ATP2C1: variants seen among roughly 807,000 people sequenced by gnomAD.
ATP2C1 encodes ATPase secretory pathway Ca2+ transporting 1, also known as calcium-transporting ATPase type 2C member 1.
ATP2C1 carries 31 observed loss-of-function variants against 120.5 expected under a neutral mutation model. The observed-to-expected ratio is 0.26, with a 90% confidence interval of 0.19 to 0.35. The LOEUF is 0.35. ATP2C1 is among the 10% of genes least tolerant of loss of function. ATP2C1 has a pLI of 1.00. For synonymous variants in ATP2C1, 351 were observed against 358.7 expected (o/e 0.98, Z 0.24); for missense variants, 731 against 1,107.5 (o/e 0.66, Z 4.83).
At chr3:130,953,105 G>A (rs1288622377) in intron 8 of ATP2C1, among the ~76,000 whole-genome samples, 1 of 151,436 alleles carries the variant, frequency 6.6e-6, no homozygotes, top group South Asian at 2.1e-4. Flanking sequence ...ATGTATGTAT[G>A]TATGTATGTA....
chr3:130,921,488 A>G (rs1305971338), intron 2 of ATP2C1, among the ~76,000 whole-genome samples: 1 of 152,148 alleles, frequency 6.6e-6, no homozygotes, highest in Non-Finnish European at 1.5e-5. Flanking sequence ...TTCCAGTACT[A>G]TGTTGAACTG....
intron 2 of ATP2C1, among the ~76,000 whole-genome samples, chr3:130,919,370 G>A (rs1052165684): frequency 6.6e-6 from 1 of 151,516 alleles, no homozygotes; most frequent in Non-Finnish European, 1.5e-5. Context: ...GATTATAGAC[G>A]CCCACTACCA....
intron 1 of ATP2C1, among the ~76,000 whole-genome samples, chr3:130,867,128 T>G (rs1366789571): frequency 6.6e-6 from 1 of 152,238 alleles, no homozygotes; most frequent in African/African-American, 2.4e-5. Flanking sequence ...TGCTGACTTC[T>G]CCACTGACCA....
chr3:130,962,715 T>TAAAAA (rs71133621), intron 12 of ATP2C1, among the ~76,000 whole-genome samples: 4 of 114,204 alleles, frequency 3.5e-5, no homozygotes, highest in Non-Finnish European at 5.4e-5. Flanking sequence ...ATGGAAGCAT[T>TAAAAA]AAAAAAAAAA....
In ATP2C1 at chr3:130,975,394, A is replaced by G; in HGVS notation, c.1476A>G (p.Thr492=). ...AYEQVIKYCT[T]YQSKGQTLTL... ...AACAAGTAATTAAGTACTGTACTAC[A>G]TACCAGAGCAAAGGGCAGACCTTGA... The change falls in exon 18 of 28, where the codon ACA becomes ACG. Residue 492 remains threonine, a synonymous_variant. Transcript: ENST00000510168. 9 of 1,613,936 alleles carry G rather than the reference A, an allele frequency of 5.6e-6. No individual in the cohort carries two copies. Among genetic ancestry groups the G allele is most frequent in the Non-Finnish European group, 7.6e-6 (9 of 1,179,838 alleles).
At position 130,959,279 on chromosome 3, in the gene ATP2C1, C is replaced by T; in HGVS notation, c.837C>T (p.Ile279=). 6.2e-7 allele frequency: 1 copy of T among 1,604,954 alleles called. No individual in the cohort carries two copies. Among genetic ancestry groups the T allele is most frequent in the Non-Finnish European group, 8.5e-7 (1 of 1,172,422 alleles). Residue 279 remains isoleucine (I), a synonymous_variant, in exon 12 of 28, where the codon ATC becomes ATT. Coordinates refer to ENST00000510168, the MANE Select transcript of ATP2C1 (RefSeq NM_001378687.1). ...LSFYSFGIIG[I]IMLVGWLLGK... ...AACTATTTAATTATCTTTCAGGAAT[C>T]ATCATGTTGGTTGGCTGGTTACTGG...
In ATP2C1 at chr3:130,855,683, G is replaced by GA. The variant is rs199880970; in HGVS notation, c.108+4762dup. On this transcript the variant is annotated intron_variant, in intron 1 of 26. Coordinates refer to the ATP2C1 transcript ENST00000504381. ...AGAGATGTAGAAAAAGGCCATATGA[G>GA]AAAAAAACTCTACAGGATGGGTCCA... is the stretch of plus-strand genomic sequence containing the variant. Among the ~76,000 whole-genome samples the GA allele has an allele frequency of 8.4e-3, 1,271 of 152,202 alleles. 5 individuals carry two copies. The highest frequency in any genetic ancestry group is 0.024 in the Middle Eastern group (7 of 294).
In ATP2C1 at chr3:130,941,718, T is replaced by C. The variant is rs2059928223; in HGVS notation, c.531+19T>C. ...GTTTGAGGTAAATTTGGGATCTGAT[T>C]GTAATAAGTGAAAATACGTGGATGT... On this transcript the variant is annotated intron_variant, in intron 8 of 27. Coordinates refer to ENST00000510168, the MANE Select transcript of ATP2C1 (RefSeq NM_001378687.1). 6.4e-7 allele frequency: 1 copy of C among 1,559,062 alleles called. No individual in the cohort carries two copies. The highest frequency in any genetic ancestry group is 8.8e-7 in the Non-Finnish European group (1 of 1,129,962).
At chr3:130,909,324 A>G (rs767460613) in intron 2 of ATP2C1, among the ~76,000 whole-genome samples, 1 of 152,144 alleles carries the variant, frequency 6.6e-6, no homozygotes, top group Non-Finnish European at 1.5e-5. Flanking sequence ...GTGATTGGAA[A>G]CTTTTTATCT....
chr3:130,899,919 G>A (rs2070001865), intron 2 of ATP2C1, among the ~76,000 whole-genome samples: 1 of 152,056 alleles, frequency 6.6e-6, no homozygotes, highest in African/African-American at 2.4e-5. Context: ...CCTGTTAGTT[G>A]TAATTGCTTT....
chr3:130,891,831 G>A (rs2069179903), upstream of ATP2C1, among the ~76,000 whole-genome samples: 1 of 152,080 alleles, frequency 6.6e-6, no homozygotes, highest in Middle Eastern at 3.2e-3. Context: ...ACATATGTGT[G>A]TGTATGACAT....
chr3:130,967,230 G>A lies in ATP2C1; in HGVS notation c.1208G>A (p.Arg403Lys), dbSNP rs1163335338. The A allele has an allele frequency of 6.2e-7, 1 of 1,613,560 alleles. No homozygotes were observed. Among genetic ancestry groups the A allele is most frequent in the South Asian group, 1.1e-5 (1 of 91,072 alleles). ...VHGFYNPAVS[R>K]IVEAGCVCND... is the part of the protein sequence containing the mutation. ...GGATTCTATAACCCAGCTGTTAGCA[G>A]AATTGTTGAGGTAAATATTTTTTTT... The change falls in exon 15 of 28, where the codon AGA (arginine) becomes AAA (lysine). Residue 403 changes from arginine (R) to lysine (K), a missense_variant. This residue lies in a region of ATP2C1 where 571 missense variants were observed against 845.9 expected (regional missense o/e 0.67). Transcript: ENST00000510168.
chr3:130,988,531 A>C (rs1020139540), intron 20 of ATP2C1, among the ~76,000 whole-genome samples: 2 of 152,186 alleles, frequency 1.3e-5, no homozygotes, highest in Non-Finnish European at 2.9e-5. Context: ...TACAAGGCTC[A>C]CTGCAACCCA....
chr3:131,014,677 C>G (rs1286264522), intron 26 of ATP2C1, among the ~76,000 whole-genome samples: 1 of 152,268 alleles, frequency 6.6e-6, no homozygotes, highest in South Asian at 2.1e-4. Flanking sequence ...TTAACAAACA[C>G]TTTAATTTTA....
intron 24 of ATP2C1, among the ~76,000 whole-genome samples, chr3:130,997,018 T>C (rs891583838): frequency 2.6e-5 from 4 of 152,130 alleles, no homozygotes; most frequent in Non-Finnish European, 5.9e-5. Flanking sequence ...TAGCCTAAGG[T>C]TGAGAATAGA....
chr3:130,901,535 G>C (rs1476589668), intron 2 of ATP2C1, among the ~76,000 whole-genome samples: 2 of 152,010 alleles, frequency 1.3e-5, no homozygotes, highest in African/African-American at 2.4e-5. Flanking sequence ...TAGATACAGA[G>C]AATTAAGGGA....
At chr3:131,014,064 A>G (rs767822667) in intron 26 of ATP2C1, 22 of 1,576,712 alleles carry the variant, frequency 1.4e-5, no homozygotes, top group East Asian at 4.5e-5. Flanking sequence ...GTTTTATTCA[A>G]TGTTGGAGGC....
rs576863330 is a variant in ATP2C1, at chr3:130,972,799, A to G, written c.1414-2533A>G. Among the ~76,000 whole-genome samples, 22 of 151,400 alleles carry G rather than the reference A, an allele frequency of 1.5e-4. No individual in the cohort carries two copies. The East Asian group carries it at 4.3e-3, about 29-fold the overall frequency. Reference sequence around the variant, plus strand: ...TCCCTACAAAGGACATGAACTCATCATTTTTTATGGCTGCATAGTATTCCA... The same window carrying G: ...TCCCTACAAAGGACATGAACTCATCGTTTTTTATGGCTGCATAGTATTCCA... On this transcript the variant is annotated intron_variant, in intron 17 of 27. Coordinates refer to ENST00000510168, the MANE Select transcript of ATP2C1 (RefSeq NM_001378687.1).
At chr3:130,935,812 C>G (rs376904518) in intron 5 of ATP2C1, among the ~76,000 whole-genome samples, 4 of 152,130 alleles carry the variant, frequency 2.6e-5, no homozygotes, top group Non-Finnish European at 2.9e-5. Flanking sequence ...TTTATTAAAT[C>G]TGGACCCTTG....
Sources: allele counts gnomAD v4.1 joint callset (sites outside exome capture counted in the v4.1 genomes callset), GRCh38; gene constraint gnomAD v4.1.1; regional missense constraint gnomAD v4.1.1; transcripts MANE v1.5; gene names NCBI Gene and HGNC (gene_info 2026-07-23, HGNC 2026-07-21).